Variants in AGFG1 observed in about 807,000 individuals in gnomAD.
AGFG1 encodes the protein arf-GAP domain and FG repeat-containing protein 1.
Under a neutral mutation model 60.6 loss-of-function variants are expected in AGFG1, and 10 were observed. The ratio of observed to expected loss-of-function variants is 0.16; its 90% CI spans 0.10 to 0.28. The LOEUF is 0.28. Ranked by LOEUF, AGFG1 falls within the 10% of genes least tolerant of loss-of-function variation. AGFG1 has a pLI of 1.00. For synonymous variants in AGFG1, 247 were observed against 242.9 expected (o/e 1.02, Z -0.16); for missense variants, 537 against 676.5 (o/e 0.79, Z 2.29).
intron 5 of AGFG1, among the ~76,000 whole-genome samples, chr2:227,526,014 GAAT>G (rs1691978506): frequency 2.6e-5 from 4 of 152,108 alleles, no homozygotes; most frequent in Admixed American, 2.6e-4. Context: ...TCAGATATCA[GAAT>G]AATGAGTTGA....
In AGFG1 at chr2:227,523,875, T is replaced by A; in HGVS notation, c.490T>A (p.Leu164Ile). 6.2e-7 allele frequency: 1 copy of A among 1,613,934 alleles called. No individual in the cohort carries two copies. The highest frequency in any genetic ancestry group is 2.2e-5 in the East Asian group (1 of 44,872). Residue 164 changes from leucine to isoleucine, a missense_variant, in exon 4 of 13, where the codon TTA (leucine) becomes ATA (isoleucine). Coordinates refer to ENST00000310078, the MANE Select transcript of AGFG1 (RefSeq NM_004504.5). ...TGAGGTCAAACCACTGAAATCTCTT[T>A]TAGGGGATTCTGCACCAACACTGCA... The part of the protein sequence containing the change: ...TPEVKPLKSL[L>I]GDSAPTLHLN...
intron 1 of AGFG1, among the ~76,000 whole-genome samples, chr2:227,484,426 ATCCACCCGCC>A (rs1690559072): frequency 6.6e-6 from 1 of 151,982 alleles, no homozygotes; most frequent in African/African-American, 2.4e-5. Flanking sequence ...ATCACAAGTG[ATCCACCCGCC>A]TGCTGGGATT....
rs1055804215 is a variant in AGFG1 at position 227,524,666 on chromosome 2, C to T, written c.541-96C>T. 63 of 1,266,874 alleles carry T rather than the reference C, an allele frequency of 5.0e-5. No individual in the cohort carries two copies. In the Admixed American group the frequency reaches 6.8e-4, roughly 14 times the overall value. The allele number at this position is 1,266,874 out of a possible 1,614,324, so 78.5% of individuals were successfully genotyped here. Reference sequence around the variant, plus strand: ...GTTAACTCAGCATACTGTAACTCTTCGTATGTATAAGTGTGTTTTAAGTTT... The same window carrying T: ...GTTAACTCAGCATACTGTAACTCTTTGTATGTATAAGTGTGTTTTAAGTTT... On this transcript the variant is annotated intron_variant, in intron 4 of 12. Coordinates refer to ENST00000310078, the MANE Select transcript of AGFG1 (RefSeq NM_004504.5).
intron 1 of AGFG1, among the ~76,000 whole-genome samples, chr2:227,484,409 ACTC>A (rs1271537332): frequency 1.3e-5 from 2 of 151,182 alleles, no homozygotes; most frequent in African/African-American, 2.4e-5. Context: ...CTGCTCTCGA[ACTC>A]CTGATCACAA....
Position 227,539,457 on chromosome 2 carries a change from A to AAAAAAC in AGFG1, c.1378+2464_1378+2465insAAAAAC, listed in dbSNP as rs139764867. On this transcript the variant is annotated intron_variant, in intron 10 of 12. Coordinates refer to ENST00000310078, the MANE Select transcript of AGFG1 (RefSeq NM_004504.5). ...GACTCTGTCTCAAAAAAAACAAAAA[A>AAAAAAC]CACATGTTAACACTGTGAAATTATA... Among the ~76,000 whole-genome samples the AAAAAAC allele has an allele frequency of 1.5e-4, 20 of 129,932 alleles. 4 individuals are homozygous for AAAAAAC. The highest frequency in any genetic ancestry group is 1.6e-4 in the Non-Finnish European group (10 of 61,562). 85.2% of individuals were successfully genotyped at this position (129,932 alleles called of 152,430 possible). A position where few individuals can be genotyped will look rare whatever the true frequency, so the allele number is the denominator to read the frequency against.
rs1693011747 is a variant in AGFG1, at chr2:227,557,573, TGA to T, written c.*3081_*3082del. 7.3e-6 allele frequency: 1 copy of T among 136,400 alleles called. No individual in the cohort carries two copies. Among genetic ancestry groups the T allele is most frequent in the South Asian group, 2.7e-4 (1 of 3,672 alleles). 8.4% of individuals were successfully genotyped at this position (136,400 alleles called of 1,614,324 possible). A position where few individuals can be genotyped will look rare whatever the true frequency, so the allele number is the denominator to read the frequency against. ...GAATTTATTGTATTAAAATTAATAC[TGA>T]GATATTTTTAAAACATGTTTATTTA... On this transcript the variant is annotated 3_prime_UTR_variant, in exon 13 of 13. Transcript: ENST00000310078.
At chr2:227,516,673 C>T (rs905153474) in intron 2 of AGFG1, among the ~76,000 whole-genome samples, 1 of 152,202 alleles carries the variant, frequency 6.6e-6, no homozygotes, top group African/African-American at 2.4e-5. Flanking sequence ...CTTTGCTTTG[C>T]GTTACGAGTG....
rs1451815107 is a variant in AGFG1 at position 227,560,978 on chromosome 2, A to G, written c.*6483A>G. The G allele has an allele frequency of 1.3e-5, 2 of 152,204 alleles. No individual in the cohort carries two copies. The highest frequency in any genetic ancestry group is 2.4e-5 in the African/African-American group (1 of 41,472). 9.4% of individuals were successfully genotyped at this position (152,204 alleles called of 1,614,324 possible). On this transcript the variant is annotated 3_prime_UTR_variant, in exon 13 of 13. Coordinates refer to ENST00000310078, the MANE Select transcript of AGFG1 (RefSeq NM_004504.5). ...CTTACTGGGAAGTTCAAAAGAAAGA[A>G]TAACAGGACCTTCTAGTCAGCAGGG...
intron 12 of AGFG1, 108 bp from the exon 13 acceptor site, chr2:227,554,328 C>A (rs954377299): frequency 3.9e-5 from 35 of 901,996 alleles, no homozygotes; most frequent in Middle Eastern, 3.4e-4. Context: ...AAAAATAATT[C>A]TTAACCAAAA....
At chr2:227,525,129 C>T (rs963209945) in intron 5 of AGFG1, among the ~76,000 whole-genome samples, 32 of 151,988 alleles carry the variant, frequency 2.1e-4, no homozygotes, top group African/African-American at 5.1e-4. Context: ...GACCTCTTTC[C>T]GTGGAAAAAT....
At chr2:227,531,530 T>TG (rs1292553064) in intron 6 of AGFG1, among the ~76,000 whole-genome samples, 1 of 151,200 alleles carries the variant, frequency 6.6e-6, no homozygotes, top group Non-Finnish European at 1.5e-5. Flanking sequence ...TGTCTCTTTT[T>TG]TTTTTTTTTT....
chr2:227,537,193 A>G (rs1692339692), intron 10 of AGFG1, among the ~76,000 whole-genome samples, 200 bp downstream of exon 10: 1 of 152,222 alleles, frequency 6.6e-6, no homozygotes, highest in Admixed American at 6.5e-5. Flanking sequence ...GACCTTAGAA[A>G]TTATCTAGTG....
chr2:227,484,564 G>T (rs1013857319), intron 1 of AGFG1, among the ~76,000 whole-genome samples: 1 of 151,272 alleles, frequency 6.6e-6, no homozygotes, highest in African/African-American at 2.4e-5. Flanking sequence ...GATGATATTT[G>T]TTTAGATTTG....
intron 2 of AGFG1, among the ~76,000 whole-genome samples, chr2:227,494,082 C>G (rs920547669): frequency 6.6e-6 from 1 of 152,084 alleles, no homozygotes; most frequent in African/African-American, 2.4e-5. Context: ...TATAGTATAC[C>G]AAAGAACATC....
chr2:227,524,809 A>G lies in AGFG1; in HGVS notation c.588A>G (p.Gln196=), dbSNP rs759918358. The G allele has an allele frequency of 1.2e-5, 19 of 1,614,030 alleles. No homozygotes were observed. Among genetic ancestry groups the G allele is most frequent in the Admixed American group, 6.7e-5 (4 of 60,002 alleles). The part of the protein sequence containing the change: ...RSQGQQQEKK[Q]FDLLSDLGSD... Reference sequence around the variant, plus strand: ...AAGGGCAGCAGCAGGAGAAGAAGCAATTTGACCTTTTAAGTGATCTCGGCT... The same window carrying G: ...AAGGGCAGCAGCAGGAGAAGAAGCAGTTTGACCTTTTAAGTGATCTCGGCT... Residue 196 remains glutamine, a synonymous_variant, in exon 5 of 13, where the codon CAA becomes CAG. Transcript: ENST00000310078.
At chr2:227,478,202 A>G (rs1690342451) in intron 1 of AGFG1, among the ~76,000 whole-genome samples, 1 of 149,086 alleles carries the variant, frequency 6.7e-6, no homozygotes, top group African/African-American at 2.5e-5. Flanking sequence ...GATAGTGGAT[A>G]AGTTTATCAA....
At chr2:227,550,562 CT>C (rs1215683996) in intron 10 of AGFG1, among the ~76,000 whole-genome samples, 1 of 152,152 alleles carries the variant, frequency 6.6e-6, no homozygotes, top group East Asian at 1.9e-4. Flanking sequence ...TCCTGTTACC[CT>C]TGCAGTGTGC....
chr2:227,532,632 A>G (rs1264756211), intron 6 of AGFG1, among the ~76,000 whole-genome samples: 1 of 152,112 alleles, frequency 6.6e-6, no homozygotes, highest in Non-Finnish European at 1.5e-5. Context: ...ATAGAAGTTC[A>G]TGCATTCTGT....
rs1691941996 is a variant in AGFG1, at chr2:227,524,853, C to T, written c.632C>T (p.Pro211Leu). 1.2e-6 allele frequency: 2 copies of T among 1,614,124 alleles called. 1 individual carries two copies. The highest frequency in any genetic ancestry group is 4.5e-5 in the East Asian group (2 of 44,880). Residue 211 changes from proline to leucine, a missense_variant, in exon 5 of 13, where the codon CCA becomes CTA. By Grantham distance (98) the Pro-to-Leu change is moderately conservative. Transcript: ENST00000310078. The stretch of plus-strand genomic sequence containing the variant: ...CTCGGCTCAGACATCTTTGCTGCTC[C>T]AGCTCCTCAGTCAACAGCTACAGCC... ...SDLGSDIFAA[P>L]APQSTATANF...
Sources: gnomAD v4.1 joint callset for allele counts (sites outside exome capture counted in the v4.1 genomes callset) on GRCh38, gnomAD v4.1.1 for gene constraint, MANE v1.5 for transcripts, NCBI Gene and HGNC (gene_info 2026-07-23, HGNC 2026-07-21) for gene names.